Variants in CTXND2 observed in about 807,000 individuals in gnomAD.
CTXND2 encodes cortexin domain containing 2.
At chr1:150,897,467 G>A (rs1347071847) in intron 1 of CTXND2, among the ~76,000 whole-genome samples, 1 of 152,166 alleles carries the variant, frequency 6.6e-6, no homozygotes, top group South Asian at 2.1e-4. Context: ...TGGGTCTTTA[G>A]GCATAAGCCA....
intron 1 of CTXND2, among the ~76,000 whole-genome samples, chr1:150,907,704 C>CTTTTTT (rs34842844): frequency 1.4e-5 from 1 of 71,462 alleles, no homozygotes; most frequent in African/African-American, 5.7e-5. Flanking sequence ...CATATGGTGG[C>CTTTTTT]TTTTTTTTTT....
chr1:150,907,289 A>G (rs990882456), intron 1 of CTXND2, among the ~76,000 whole-genome samples: 1 of 152,202 alleles, frequency 6.6e-6, no homozygotes, highest in African/African-American at 2.4e-5. Flanking sequence ...GAACATTTTT[A>G]TCACCTCCAA....
chr1:150,895,500 C>T (rs1289059598), intron 1 of CTXND2, among the ~76,000 whole-genome samples: 3 of 152,048 alleles, frequency 2.0e-5, no homozygotes, highest in South Asian at 2.1e-4. Context: ...CGCACCACTA[C>T]GCCCAGCTAA....
intron 1 of CTXND2, among the ~76,000 whole-genome samples, chr1:150,887,790 A>G (rs1668792677): frequency 3.3e-5 from 5 of 152,030 alleles, no homozygotes; most frequent in Admixed American, 1.3e-4. Flanking sequence ...TCTTTTTAGT[A>G]TTTTGGTCTT....
chr1:150,894,018 A>C (rs1045114566), intron 1 of CTXND2, among the ~76,000 whole-genome samples: 1 of 151,274 alleles, frequency 6.6e-6, no homozygotes, highest in Non-Finnish European at 1.5e-5. Context: ...GCGTCTCACT[A>C]TGTTGCTCAG....
In CTXND2 at chr1:150,902,821, T is replaced by C. The variant is rs587623492; in HGVS notation, c.-73-9421T>C. On this transcript the variant is annotated intron_variant, in intron 1 of 1. Transcript: ENST00000636087. ...TGTCCCATAAACTGCAGGGAACATA[T>C]ATCAAGCTTGAAGGGAAAGTAGTCA... Among the ~76,000 whole-genome samples, 3 of 152,092 alleles carry C rather than the reference T, an allele frequency of 2.0e-5. No individual in the cohort carries two copies. In the East Asian group the frequency reaches 5.8e-4, roughly 29 times the overall value.
chr1:150,905,581 T>A (rs116077342), intron 1 of CTXND2, among the ~76,000 whole-genome samples: 93 of 152,212 alleles, frequency 6.1e-4, no homozygotes, highest in Admixed American at 1.2e-3. Context: ...CAATACTACT[T>A]ATAATCTAAA....
At chr1:150,897,321 T>C (rs1668925398) in intron 1 of CTXND2, among the ~76,000 whole-genome samples, 1 of 152,146 alleles carries the variant, frequency 6.6e-6, no homozygotes, top group African/African-American at 2.4e-5. Context: ...AAAATTTATG[T>C]GAGAAATATT....
chr1:150,891,456 G>T (rs1668849726), intron 1 of CTXND2, among the ~76,000 whole-genome samples: 1 of 152,014 alleles, frequency 6.6e-6, no homozygotes, highest in Non-Finnish European at 1.5e-5. Context: ...CTCGTGATCT[G>T]CCTGCCTCGG....
At chr1:150,903,839 T>A in intron 1 of CTXND2, 1 of 498,794 alleles carries the variant, frequency 2.0e-6, no homozygotes, top group Admixed American at 2.5e-5. Flanking sequence ...GAGAGTGGGA[T>A]GTCCGGCTTC....
At chr1:150,890,778 C>T (rs1219091256) in intron 1 of CTXND2, among the ~76,000 whole-genome samples, 1 of 152,188 alleles carries the variant, frequency 6.6e-6, no homozygotes, top group Non-Finnish European at 1.5e-5. Context: ...GCTGGGATTA[C>T]AGACGAGAGC....
At chr1:150,890,494 TTTTATTTA>T (rs587751897) in intron 1 of CTXND2, among the ~76,000 whole-genome samples, 1 of 152,026 alleles carries the variant, frequency 6.6e-6, no homozygotes, top group Non-Finnish European at 1.5e-5. Flanking sequence ...CAATGTGAGA[TTTTATTTA>T]TTTATTTATT....
In CTXND2 at chr1:150,908,615, CTT is replaced by C. The variant is rs201451313; in HGVS notation, c.-73-3624_-73-3623del. 9.4e-4 allele frequency among the ~76,000 whole-genome samples: 143 copies of C among 152,022 alleles called. No individual in the cohort carries two copies. In the East Asian group the frequency reaches 0.011, roughly 12 times the overall value. On this transcript the variant is annotated intron_variant, in intron 1 of 1. Coordinates refer to ENST00000636087, the Ensembl canonical transcript of CTXND2. Reference sequence around the variant, plus strand: ...TTTGCCTAATTTTTAATTGAGTTGTCTTTTCATTGTTTCGTTGTAACTTTGGT... The same window carrying C: ...TTTGCCTAATTTTTAATTGAGTTGTCTTCATTGTTTCGTTGTAACTTTGGT...
At chr1:150,893,465 TTTG>T (rs1242050333) in intron 1 of CTXND2, among the ~76,000 whole-genome samples, 3 of 152,122 alleles carry the variant, frequency 2.0e-5, no homozygotes, top group African/African-American at 4.8e-5. Context: ...TATAGTTTTT[TTTG>T]TTGTTGTTTG....
intron 1 of CTXND2, among the ~76,000 whole-genome samples, chr1:150,901,180 A>T (rs1024763980): frequency 1.4e-5 from 2 of 147,874 alleles, no homozygotes; most frequent in African/African-American, 4.9e-5. Context: ...ATAGGAATAC[A>T]TTTAAGAAAA....
intron 1 of CTXND2, among the ~76,000 whole-genome samples, chr1:150,910,644 T>C (rs928873527): frequency 4.6e-5 from 7 of 150,666 alleles, no homozygotes; most frequent in African/African-American, 1.7e-4. Flanking sequence ...TTTTTTTTTT[T>C]TTTTTGAGAC....
intron 1 of CTXND2, among the ~76,000 whole-genome samples, chr1:150,895,819 T>A (rs1031445089): frequency 6.6e-6 from 1 of 152,194 alleles, no homozygotes. Context: ...GACACAAAGA[T>A]GACACAATTT....
At chr1:150,895,867 C>T (rs1410330610) in intron 1 of CTXND2, among the ~76,000 whole-genome samples, 1 of 152,172 alleles carries the variant, frequency 6.6e-6, no homozygotes, top group African/African-American at 2.4e-5. Context: ...TATCCAATGA[C>T]AGTAGCAGCA....
chr1:150,904,146 C>T, intron 1 of CTXND2: 2 of 653,388 alleles, frequency 3.1e-6, no homozygotes, highest in Non-Finnish European at 2.9e-6. Flanking sequence ...ATGATCTTTG[C>T]CGGCATTAAA....
Sources: gnomAD v4.1 joint callset for allele counts (sites outside exome capture counted in the v4.1 genomes callset) on GRCh38, gnomAD v4.1.1 for gene constraint, MANE v1.5 for transcripts, NCBI Gene and HGNC (gene_info 2026-07-23, HGNC 2026-07-21) for gene names.